PTPRN2: variants seen among roughly 807,000 people sequenced by gnomAD.
The protein encoded by PTPRN2 is receptor-type tyrosine-protein phosphatase N2.
PTPRN2 carries 74 observed loss-of-function variants against 118.8 expected under a neutral mutation model. That is an observed-to-expected ratio of 0.62 (90% confidence interval 0.52 to 0.76). The LOEUF (loss-of-function observed/expected upper bound fraction) is 0.76. PTPRN2 is among the 30% of genes least tolerant of loss of function. The pLI, the probability that PTPRN2 is intolerant of heterozygous loss-of-function variation, is 0.00. For synonymous variants in PTPRN2, 641 were observed against 608.0 expected (o/e 1.05, Z -0.80); for missense variants, 1,481 against 1,394.4 (o/e 1.06, Z -0.99).
At chr7:157,633,701 G>A (rs1804110070) in intron 14 of PTPRN2, among the ~76,000 whole-genome samples, 2 of 152,164 alleles carry the variant, frequency 1.3e-5, no homozygotes, top group Admixed American at 1.3e-4. Context: ...ACAGGGAAGG[G>A]CAGTGAAGGC....
chr7:158,358,435 C>T (rs2151282867), intron 2 of PTPRN2, among the ~76,000 whole-genome samples: 1 of 152,328 alleles, frequency 6.6e-6, no homozygotes, highest in Non-Finnish European at 1.5e-5. Context: ...CAATATTCGG[C>T]CGACGGAAAT....
At chr7:157,864,019 T>A (rs948483353) in intron 12 of PTPRN2, 3 of 152,252 alleles carry the variant, frequency 2.0e-5, no homozygotes, top group African/African-American at 7.2e-5. Context: ...GCATGTGTGA[T>A]TCTGGCCAGG....
chr7:157,744,800 C>G (rs1800823796), intron 12 of PTPRN2, among the ~76,000 whole-genome samples: 1 of 152,160 alleles, frequency 6.6e-6, no homozygotes, highest in Non-Finnish European at 1.5e-5. Context: ...CCTCATCACT[C>G]AGGCACATCC....
intron 11 of PTPRN2, among the ~76,000 whole-genome samples, chr7:158,042,021 T>A (rs1563354295): frequency 6.6e-6 from 1 of 152,174 alleles, no homozygotes; most frequent in Non-Finnish European, 1.5e-5. Flanking sequence ...CAAAGACCAA[T>A]GTCAAAAGAA....
intron 12 of PTPRN2, among the ~76,000 whole-genome samples, chr7:157,815,247 C>T (rs778703751): frequency 7.9e-5 from 12 of 152,236 alleles, no homozygotes; most frequent in East Asian, 3.8e-4. Flanking sequence ...GTTTGCAGGA[C>T]GGGAGGCTGA....
intron 3 of PTPRN2, among the ~76,000 whole-genome samples, chr7:158,238,425 C>T (rs1210320998): frequency 6.6e-6 from 1 of 152,144 alleles, no homozygotes; most frequent in Non-Finnish European, 1.5e-5. Context: ...GGAAGGAAGC[C>T]ACAGCAAGGC....
Position 158,198,227 on chromosome 7 carries a change from G to C in PTPRN2, c.381-5732C>G, listed in dbSNP as rs1478094951. ...TCTGTCCATGCCTGGGGACTTGTTT[G>C]TGATGCTGCAGTATGTTACGGCAAT... On this transcript the variant is annotated intron_variant, in intron 4 of 22. Coordinates refer to ENST00000389418, the MANE Select transcript of PTPRN2 (RefSeq NM_002847.5). 2.0e-5 allele frequency among the ~76,000 whole-genome samples: 3 copies of C among 152,182 alleles called. 1 individual carries two copies. Among genetic ancestry groups the C allele is most frequent in the Admixed American group, 2.0e-4 (3 of 15,288 alleles).
chr7:157,727,343 G>A (rs1355522535), intron 12 of PTPRN2, among the ~76,000 whole-genome samples: 1 of 152,190 alleles, frequency 6.6e-6, no homozygotes, highest in Non-Finnish European at 1.5e-5. Flanking sequence ...GAGTCCTGAG[G>A]ACATGTGCCC....
At chr7:157,982,766 T>C (rs1338735804) in intron 11 of PTPRN2, among the ~76,000 whole-genome samples, 1 of 38,390 alleles carries the variant, frequency 2.6e-5, no homozygotes, top group Non-Finnish European at 4.8e-5. Context: ...GAGTGCAGGG[T>C]CCCCCCCAAA....
intron 2 of PTPRN2, among the ~76,000 whole-genome samples, chr7:158,342,374 A>C (rs1206989134): frequency 8.8e-6 from 1 of 113,952 alleles, no homozygotes; most frequent in African/African-American, 3.2e-5. Flanking sequence ...CACTCTCACC[A>C]TAAGAGCTGA....
At chr7:157,855,114 CG>C (rs1809602169) in intron 12 of PTPRN2, among the ~76,000 whole-genome samples, 1 of 147,146 alleles carries the variant, frequency 6.8e-6, no homozygotes, top group Non-Finnish European at 1.5e-5. Flanking sequence ...GGGGCCGGAT[CG>C]GGGAGGATGG....
intron 15 of PTPRN2, among the ~76,000 whole-genome samples, chr7:157,613,563 G>A (rs955514784): frequency 6.6e-6 from 1 of 152,188 alleles, no homozygotes. Flanking sequence ...CGGGCTCCTC[G>A]CTGAGCCGCA....
At chr7:158,334,385 C>T (rs199979494) in intron 2 of PTPRN2, among the ~76,000 whole-genome samples, 1 of 25,576 alleles carries the variant, frequency 3.9e-5, no homozygotes, top group Non-Finnish European at 8.4e-5. Flanking sequence ...ATGTCACTCA[C>T]ACCCACACTC....
intron 18 of PTPRN2, 45 bp from the exon 19 acceptor site, chr7:157,576,824 A>C (rs774836053): frequency 1.8e-5 from 27 of 1,510,388 alleles, no homozygotes; most frequent in Non-Finnish European, 2.3e-5. Flanking sequence ...AGGTGTGGAC[A>C]TTGTGAACCG....
In PTPRN2 at chr7:158,472,379, A is replaced by C. The variant is rs574869773; in HGVS notation, c.163+17356T>G. ...TAAGGGACCAAGTTTGTCATCTGTT[A>C]AATGAGAACAAAAATACATGCCCTG... is the stretch of plus-strand genomic sequence containing the variant. On this transcript the variant is annotated intron_variant, in intron 2 of 22. Transcript: ENST00000389418. 8.5e-5 allele frequency among the ~76,000 whole-genome samples: 13 copies of C among 152,346 alleles called. No homozygotes were observed. The East Asian group carries it at 1.4e-3, about 16-fold the overall frequency.
At chr7:158,504,564 T>C (rs1351011670) in intron 1 of PTPRN2, among the ~76,000 whole-genome samples, 1 of 152,262 alleles carries the variant, frequency 6.6e-6, no homozygotes. Flanking sequence ...GTCCATGGTG[T>C]GTACGTATGT....
chr7:158,469,513 T>C (rs2129444084), intron 2 of PTPRN2, among the ~76,000 whole-genome samples: 1 of 152,338 alleles, frequency 6.6e-6, no homozygotes, highest in African/African-American at 2.4e-5. Context: ...AGTGTGGGTC[T>C]AGTTCTTTTG....
At chr7:158,347,064 C>T (rs769002253) in intron 2 of PTPRN2, among the ~76,000 whole-genome samples, 5 of 152,208 alleles carry the variant, frequency 3.3e-5, no homozygotes, top group Non-Finnish European at 7.3e-5. Context: ...TCTGTGCACT[C>T]TGCTAACTGT....
intron 11 of PTPRN2, among the ~76,000 whole-genome samples, chr7:157,955,425 C>T (rs1277280441): frequency 6.6e-6 from 1 of 152,034 alleles, no homozygotes; most frequent in East Asian, 1.9e-4. Flanking sequence ...TTCTAGGTCT[C>T]ATCAGCAGCC....
Sources: allele counts gnomAD v4.1 joint callset (sites outside exome capture counted in the v4.1 genomes callset), GRCh38; gene constraint gnomAD v4.1.1; transcripts MANE v1.5; gene names NCBI Gene and HGNC (gene_info 2026-07-23, HGNC 2026-07-21).